Variants in PRDM2 observed in about 807,000 individuals in gnomAD.
PRDM2 encodes PR/SET domain 2.
In PRDM2, 30 loss-of-function variants were observed where a neutral mutation model predicts 130.0. The observed-to-expected ratio is 0.23, with a 90% CI of 0.17 to 0.31. The LOEUF (loss-of-function observed/expected upper bound fraction) is 0.31. PRDM2 is among the 10% of genes least tolerant of loss of function. The pLI is 1.00. For synonymous variants in PRDM2, 871 were observed against 782.4 expected, an observed-to-expected ratio of 1.11 and a Z score of -1.89; for missense variants, 2,011 against 2,108.4, an observed-to-expected ratio of 0.95 and a Z score of 0.90.
intron 8 of PRDM2, chr1:13,783,336 A>G: frequency 2.7e-6 from 1 of 364,244 alleles, no homozygotes; most frequent in Non-Finnish European, 5.4e-6. Flanking sequence ...TTAATAATTG[A>G]TTGCATCGGT....
At chr1:13,787,410 G>A in intron 8 of PRDM2, 2 of 984,344 alleles carry the variant, frequency 2.0e-6, no homozygotes, top group Non-Finnish European at 2.4e-6. Context: ...TACATTTTAT[G>A]CCTCCCCCTA....
At chr1:13,752,223 T>C (rs1253327205) in intron 6 of PRDM2, among the ~76,000 whole-genome samples, 1 of 152,240 alleles carries the variant, frequency 6.6e-6, no homozygotes, top group African/African-American at 2.4e-5. Flanking sequence ...AATGCAGTGC[T>C]ATGAGAACAC....
chr1:13,736,989 T>C (rs984443267), intron 4 of PRDM2, among the ~76,000 whole-genome samples: 6 of 152,232 alleles, frequency 3.9e-5, no homozygotes, highest in South Asian at 2.1e-4. Flanking sequence ...ATATAAACTT[T>C]TTTATCAGTC....
chr1:13,796,932 C>T (rs1174612195), intron 8 of PRDM2, among the ~76,000 whole-genome samples: 1 of 152,110 alleles, frequency 6.6e-6, no homozygotes. Context: ...GTGGAGGGAA[C>T]GAAACAAAAG....
At chr1:13,815,699 A>T (rs1488668604) in intron 8 of PRDM2, among the ~76,000 whole-genome samples, 1 of 152,184 alleles carries the variant, frequency 6.6e-6, no homozygotes, top group African/African-American at 2.4e-5. Context: ...CTATCTTTTA[A>T]ATAAATTTTT....
intron 7 of PRDM2, 170 bp downstream of exon 7, chr1:13,773,358 C>T (rs979184188): frequency 7.3e-6 from 3 of 410,270 alleles, no homozygotes; most frequent in African/African-American, 2.1e-5. Context: ...CTATATGCTA[C>T]CTTCCCTTCA....
At chr1:13,715,353 G>C (rs1188770054) in intron 1 of PRDM2, among the ~76,000 whole-genome samples, 188 bp from the exon 2 acceptor site, 3 of 152,218 alleles carry the variant, frequency 2.0e-5, no homozygotes, top group Admixed American at 2.0e-4. Flanking sequence ...GCAAAGAGTA[G>C]TAAGAAATCT....
chr1:13,741,845 G>A (rs1055750241), intron 4 of PRDM2, among the ~76,000 whole-genome samples, 160 bp from the exon 5 acceptor site: 1 of 151,258 alleles, frequency 6.6e-6, no homozygotes, highest in African/African-American at 2.4e-5. Flanking sequence ...TTTTCACCTT[G>A]TATTTTTCTT....
chr1:13,817,671 G>A (rs1645278806), intron 9 of PRDM2, among the ~76,000 whole-genome samples: 1 of 151,748 alleles, frequency 6.6e-6, no homozygotes, highest in Non-Finnish European at 1.5e-5. Flanking sequence ...CCATTTACTG[G>A]ACTATAGTAC....
intron 2 of PRDM2, chr1:13,717,502 A>T (rs1303106590): frequency 4.7e-6 from 4 of 856,046 alleles, no homozygotes; most frequent in Non-Finnish European, 5.6e-6. Context: ...TTTATTTGAT[A>T]TGTCTACATC....
chr1:13,799,008 C>T (rs192700436), intron 8 of PRDM2, among the ~76,000 whole-genome samples: 1 of 152,292 alleles, frequency 6.6e-6, no homozygotes, highest in East Asian at 1.9e-4. Context: ...CGTGGTGAGT[C>T]AGAGCTGCTG....
At chr1:13,724,075 GA>G (rs1642825588) in intron 2 of PRDM2, among the ~76,000 whole-genome samples, 1 of 152,210 alleles carries the variant, frequency 6.6e-6, no homozygotes, top group African/African-American at 2.4e-5. Context: ...TAGCTTCTAG[GA>G]GGCTAAAGTG....
chr1:13,763,936 G>T (rs1644163820), intron 6 of PRDM2, among the ~76,000 whole-genome samples: 1 of 152,078 alleles, frequency 6.6e-6, no homozygotes, highest in African/African-American at 2.4e-5. Context: ...CTTGACCATT[G>T]TTCATATGGG....
At chr1:13,708,896 ATTC>A (rs1642287670) in intron 1 of PRDM2, among the ~76,000 whole-genome samples, 2 of 152,136 alleles carry the variant, frequency 1.3e-5, no homozygotes, top group South Asian at 4.1e-4. Context: ...GAATCTCCTT[ATTC>A]TTAACGTATC....
At chr1:13,721,879 G>A (rs373045892) in intron 2 of PRDM2, among the ~76,000 whole-genome samples, 15 of 152,150 alleles carry the variant, frequency 9.9e-5, no homozygotes, top group South Asian at 8.3e-4. Context: ...GCAAGTCCTC[G>A]GCTTATTTGT....
intron 8 of PRDM2, among the ~76,000 whole-genome samples, chr1:13,789,965 A>G (rs1308916486): frequency 6.6e-6 from 1 of 152,238 alleles, no homozygotes; most frequent in East Asian, 1.9e-4. Flanking sequence ...CTGGTGAAGC[A>G]CTGCTGTTGA....
intron 6 of PRDM2, among the ~76,000 whole-genome samples, chr1:13,762,394 T>A (rs1644120824): frequency 6.6e-6 from 1 of 152,228 alleles, no homozygotes; most frequent in African/African-American, 2.4e-5. Context: ...GACAAGAGCC[T>A]AGCCCACTGT....
At chr1:13,726,165 G>A (rs1245684386) in intron 2 of PRDM2, among the ~76,000 whole-genome samples, 1 of 152,294 alleles carries the variant, frequency 6.6e-6, no homozygotes, top group Admixed American at 6.5e-5. Context: ...CATCTTGAAC[G>A]CTCCATCTGT....
chr1:13,746,460 C>T (rs1317514247), intron 5 of PRDM2, among the ~76,000 whole-genome samples: 1 of 151,728 alleles, frequency 6.6e-6, no homozygotes, highest in East Asian at 1.9e-4. Context: ...AGTTGCGAAG[C>T]ATATATCGCT....
Sources: gnomAD v4.1 joint callset for allele counts (sites outside exome capture counted in the v4.1 genomes callset) on GRCh38, gnomAD v4.1.1 for gene constraint, MANE v1.5 for transcripts, NCBI Gene and HGNC (gene_info 2026-07-23, HGNC 2026-07-21) for gene names.